The following CREBBP variants were observed in gnomAD, a reference collection of about 807,000 sequenced individuals.
CREBBP encodes the protein CREB binding lysine acetyltransferase.
CREBBP carries 19 observed loss-of-function variants against 265.0 expected under a neutral mutation model. That is an observed-to-expected ratio of 0.07 (90% CI 0.05 to 0.11). The LOEUF (loss-of-function observed/expected upper bound fraction) is 0.11, where lower values mean the gene tolerates loss of function less well. Ranked by LOEUF, CREBBP falls within the 10% of genes least tolerant of loss-of-function variation. CREBBP has a pLI of 1.00. For synonymous variants in CREBBP, 1,457 were observed against 1,223.7 expected, an observed-to-expected ratio of 1.19 and a Z score of -3.98; for missense variants, 2,525 against 3,219.0, an observed-to-expected ratio of 0.78 and a Z score of 5.22.
intron 16 of CREBBP, among the ~76,000 whole-genome samples, chr16:3,760,452 G>GAC (rs1444006919): frequency 7.2e-6 from 1 of 139,042 alleles, no homozygotes; most frequent in East Asian, 2.1e-4. Flanking sequence ...ACCCAGGCTG[G>GAC]AGTGCAGTGG....
intron 1 of CREBBP, among the ~76,000 whole-genome samples, chr16:3,879,234 G>GCGCGCACACACA (rs1249627930): frequency 6.6e-6 from 1 of 150,720 alleles, no homozygotes; most frequent in African/African-American, 2.4e-5. Context: ...ACACACGCGC[G>GCGCGCACACACA]CACACACACA....
At position 3,773,838 on chromosome 16, in the gene CREBBP, C is replaced by A. The variant is rs1043170201; in HGVS notation, c.2376G>T (p.Gln792His). The A allele has an allele frequency of 1.2e-6, 2 of 1,612,864 alleles. No homozygotes were observed. Among genetic ancestry groups the A allele is most frequent in the South Asian group, 2.2e-5 (2 of 91,022 alleles). The change falls in exon 13 of 31, where the codon CAG becomes CAT. Residue 792 changes from glutamine (Q) to histidine (H), a missense_variant. By Grantham distance (24) the Gln-to-His change is conservative (BLOSUM62 0). Around this residue, in one of 19 missense-constraint regions of CREBBP, gnomAD observed 548 missense variants for 533.0 expected, o/e 1.03. Transcript: ENST00000262367. ...ACGGGAACTGGTTCTGTGGCAGAAA[C>A]TGGCTCTGAGCGGGCGCCTGGGCCA... is the stretch of plus-strand genomic sequence containing the variant. ...NMMAQAPAQS[Q>H]FLPQNQFPSS... is the part of the protein sequence containing the mutation.
intron 1 of CREBBP, among the ~76,000 whole-genome samples, chr16:3,863,657 A>G (rs558198520): frequency 6.6e-6 from 1 of 152,260 alleles, no homozygotes; most frequent in Admixed American, 6.5e-5. Flanking sequence ...GTTCTTTGTC[A>G]CCTGGGACCC....
chr16:3,745,134 G>A, intron 22 of CREBBP, 143 bp downstream of exon 22: 3 of 949,538 alleles, frequency 3.2e-6, no homozygotes, highest in Non-Finnish European at 5.0e-6. Context: ...CAAACGCTTA[G>A]AACTTAAATT....
chr16:3,779,833 G>C (rs1000209492), intron 8 of CREBBP, among the ~76,000 whole-genome samples: 4 of 152,224 alleles, frequency 2.6e-5, no homozygotes, highest in Non-Finnish European at 5.9e-5. Context: ...GTTAGGCTTG[G>C]TGTGGTGGCT....
rs1349500358 is a variant in CREBBP at position 3,727,065 on chromosome 16, T to G, written c.*653A>C. 1.7e-5 allele frequency: 4 copies of G among 233,940 alleles called. No homozygotes were observed. The highest frequency in any genetic ancestry group is 2.5e-5 in the Non-Finnish European group (3 of 118,340). 14.5% of individuals were successfully genotyped at this position (233,940 alleles called of 1,614,324 possible). Reference sequence around the variant, plus strand: ...TCCCTATTTTTTGTCTAAAACCAGTTTTATCAGAGAAACAAAGCAACAATT... The same window carrying G: ...TCCCTATTTTTTGTCTAAAACCAGTGTTATCAGAGAAACAAAGCAACAATT... On this transcript the variant is annotated 3_prime_UTR_variant, in exon 31 of 31. Coordinates refer to ENST00000262367, the MANE Select transcript of CREBBP (RefSeq NM_004380.3).
At chr16:3,795,436 G>A (rs781739495) in intron 3 of CREBBP, among the ~76,000 whole-genome samples, 6 of 151,910 alleles carry the variant, frequency 3.9e-5, no homozygotes, top group South Asian at 2.1e-4. Flanking sequence ...ATAGAGCCTC[G>A]TATCTCCCCT....
rs2151355692 is a variant in CREBBP at position 3,745,329 on chromosome 16, G to A, written c.3862C>T (p.Arg1288Trp). The A allele has an allele frequency of 1.9e-6, 3 of 1,614,036 alleles. No homozygotes were observed. The highest frequency in any genetic ancestry group is 2.5e-6 in the Non-Finnish European group (3 of 1,179,984). ...EPFVDCKECG[R>W]KMHQICVLHY... is the part of the protein sequence containing the mutation. The stretch of plus-strand genomic sequence containing the variant: ...AGAACGCAAATCTGATGCATCTTCC[G>A]GCCACACTCCTTGCAATCAACGAAA... The change falls in exon 22 of 31, where the codon CGG becomes TGG. Residue 1288 changes from arginine to tryptophan, a missense_variant. Coordinates refer to ENST00000262367, the MANE Select transcript of CREBBP (RefSeq NM_004380.3).
intron 3 of CREBBP, among the ~76,000 whole-genome samples, chr16:3,810,197 T>C (rs1413126616): frequency 3.3e-5 from 5 of 152,186 alleles, no homozygotes; most frequent in Non-Finnish European, 5.9e-5. Context: ...CAACAGAGTA[T>C]TGTCTTTGGA....
At chr16:3,829,689 G>C (rs555843573) in intron 2 of CREBBP, among the ~76,000 whole-genome samples, 20 of 152,298 alleles carry the variant, frequency 1.3e-4, no homozygotes, top group African/African-American at 4.6e-4. Flanking sequence ...GAGTAATTAA[G>C]AGCCTGCCAG....
chr16:3,740,671 C>A, intron 23 of CREBBP, 122 bp from the exon 24 acceptor site: 1 of 1,147,736 alleles, frequency 8.7e-7, no homozygotes, highest in South Asian at 1.3e-5. Context: ...TAATGTTCTC[C>A]AAACACGGAA....
chr16:3,852,028 T>C (rs192260191), intron 1 of CREBBP, among the ~76,000 whole-genome samples: 58 of 44,318 alleles, frequency 1.3e-3, no homozygotes, highest in Middle Eastern at 0.04. Flanking sequence ...ACAGCGAGAC[T>C]CCATCTCAAA....
In CREBBP at chr16:3,781,063, A is replaced by G. The variant is rs1000516072; in HGVS notation, c.1676+141T>C. ...ATCTGCTCTACATTTATAATTAAAG[A>G]AAAAAAGGAAAACAGCATTCACCCC... On this transcript the variant is annotated intron_variant, in intron 7 of 30. Transcript: ENST00000262367. 7.8e-6 allele frequency: 8 copies of G among 1,029,342 alleles called. No homozygotes were observed. The African/African-American group carries it at 1.3e-4, about 17-fold the overall frequency. 63.8% of individuals were successfully genotyped at this position (1,029,342 alleles called of 1,614,324 possible). A position where few individuals can be genotyped will look rare whatever the true frequency, so the allele number is the denominator to read the frequency against.
chr16:3,861,708 G>GT (rs1312654485), intron 1 of CREBBP, among the ~76,000 whole-genome samples: 1 of 146,898 alleles, frequency 6.8e-6, no homozygotes, highest in Non-Finnish European at 1.5e-5. Context: ...TTATGCCATC[G>GT]TAAGTAATTT....
chr16:3,877,671 C>CT (rs2055431769), intron 1 of CREBBP, among the ~76,000 whole-genome samples: 1 of 152,266 alleles, frequency 6.6e-6, no homozygotes, highest in Non-Finnish European at 1.5e-5. Context: ...TCCCAAAGTG[C>CT]TGGGATTACA....
At chr16:3,761,521 C>A (rs199586695) in intron 16 of CREBBP, 2 of 518,434 alleles carry the variant, frequency 3.9e-6, no homozygotes, top group African/African-American at 3.9e-5. Context: ...AAAACAGGCG[C>A]ACCAAGAACA....
chr16:3,782,340 T>G (rs2053290807), intron 6 of CREBBP, among the ~76,000 whole-genome samples: 1 of 152,108 alleles, frequency 6.6e-6, no homozygotes, highest in African/African-American at 2.4e-5. Flanking sequence ...ACACAAGTAC[T>G]CCAACAAATA....
chr16:3,771,057 T>G (rs568320817), intron 13 of CREBBP, 71 bp from the exon 14 acceptor site: 2 of 1,587,054 alleles, frequency 1.3e-6, no homozygotes, highest in Non-Finnish European at 8.6e-7. Context: ...ATTTGAAAAA[T>G]TAAATGTATG....
At chr16:3,860,679 GA>G (rs1335464287) in intron 1 of CREBBP, among the ~76,000 whole-genome samples, 1 of 152,024 alleles carries the variant, frequency 6.6e-6, no homozygotes, top group Non-Finnish European at 1.5e-5. Context: ...AAATTTGAAG[GA>G]AAAAAACTAC....
Sources: gnomAD v4.1 joint callset for allele counts (sites outside exome capture counted in the v4.1 genomes callset) on GRCh38, gnomAD v4.1.1 for gene constraint, gnomAD v4.1.1 regional missense constraint, MANE v1.5 for transcripts, NCBI Gene and HGNC (gene_info 2026-07-23, HGNC 2026-07-21) for gene names.